Variants in DSCAM observed in about 807,000 individuals in gnomAD.
DSCAM encodes DS cell adhesion molecule.
DSCAM carries 47 observed loss-of-function variants against 217.7 expected under a neutral mutation model. That is an observed-to-expected ratio of 0.22 (90% CI 0.17 to 0.28). DSCAM has a LOEUF of 0.28. DSCAM is among the 10% of genes least tolerant of loss of function. The pLI is 1.00. For synonymous variants in DSCAM, 1,056 were observed against 1,015.3 expected, an observed-to-expected ratio of 1.04 and a Z score of -0.76; for missense variants, 2,080 against 2,618.3, an observed-to-expected ratio of 0.79 and a Z score of 4.49.
At chr21:40,132,528 G>T (rs949262741) in intron 19 of DSCAM, among the ~76,000 whole-genome samples, 1 of 152,322 alleles carries the variant, frequency 6.6e-6, no homozygotes, top group Admixed American at 6.5e-5. Flanking sequence ...GCTGACACCT[G>T]CACATTCCCT....
chr21:40,590,517 T>C (rs2076976533), intron 3 of DSCAM, among the ~76,000 whole-genome samples: 1 of 152,238 alleles, frequency 6.6e-6, no homozygotes, highest in Non-Finnish European at 1.5e-5. Flanking sequence ...TCTGACTTAA[T>C]GGTGTCACTG....
intron 3 of DSCAM, among the ~76,000 whole-genome samples, chr21:40,576,280 G>A (rs1181236996): frequency 5.9e-5 from 9 of 152,178 alleles, no homozygotes; most frequent in Non-Finnish European, 1.3e-4. Flanking sequence ...AATTTCAGAA[G>A]TATTATAATT....
At chr21:40,665,018 C>T (rs2090184650) in intron 3 of DSCAM, among the ~76,000 whole-genome samples, 1 of 152,180 alleles carries the variant, frequency 6.6e-6, no homozygotes, top group South Asian at 2.1e-4. Context: ...GGTGTGCGTG[C>T]TCCTGCTTCA....
chr21:40,671,514 G>A (rs1334813751), intron 3 of DSCAM, among the ~76,000 whole-genome samples: 3 of 151,390 alleles, frequency 2.0e-5, no homozygotes, highest in Non-Finnish European at 4.4e-5. Flanking sequence ...CCCCCGCACC[G>A]TCTCTATTAA....
Position 40,476,882 on chromosome 21 carries a change from G to A in DSCAM, c.509-107637C>T, listed in dbSNP as rs144275324. ...AAAAAAACTTGAGGGAAAATTCAGA[G>A]AGAGTAGGAAAAACGTTTACTTTCT... On this transcript the variant is annotated intron_variant, in intron 3 of 32. Coordinates refer to ENST00000400454, the MANE Select transcript of DSCAM (RefSeq NM_001389.5). Among the ~76,000 whole-genome samples, 18 of 152,274 alleles carry A rather than the reference G, an allele frequency of 1.2e-4. No individual in the cohort carries two copies. In the East Asian group the frequency reaches 3.5e-3, roughly 29 times the overall value.
At chr21:40,291,316 C>G (rs924979796) in intron 10 of DSCAM, among the ~76,000 whole-genome samples, 2 of 152,248 alleles carry the variant, frequency 1.3e-5, no homozygotes, top group African/African-American at 4.8e-5. Flanking sequence ...CCTTTTAAAG[C>G]ATGAGGCAGA....
At chr21:40,656,823 G>C (rs2090082060) in intron 3 of DSCAM, among the ~76,000 whole-genome samples, 1 of 152,226 alleles carries the variant, frequency 6.6e-6, no homozygotes, top group Non-Finnish European at 1.5e-5. Flanking sequence ...CTCAGTTTAA[G>C]TAAGAGCATG....
At chr21:40,668,140 C>G (rs2090225689) in intron 3 of DSCAM, among the ~76,000 whole-genome samples, 2 of 152,194 alleles carry the variant, frequency 1.3e-5, no homozygotes, top group African/African-American at 2.4e-5. Context: ...ACTAGCCATC[C>G]TCTACAGTGT....
intron 18 of DSCAM, among the ~76,000 whole-genome samples, chr21:40,139,899 G>T (rs2090268196): frequency 6.7e-6 from 1 of 150,006 alleles, no homozygotes; most frequent in Non-Finnish European, 1.5e-5. Flanking sequence ...GGTGTGTGAG[G>T]TGTGGTGTGT....
intron 1 of DSCAM, among the ~76,000 whole-genome samples, chr21:40,807,931 T>C (rs1389632090): frequency 6.6e-6 from 1 of 152,216 alleles, no homozygotes; most frequent in Non-Finnish European, 1.5e-5. Context: ...GTGTGGCTTT[T>C]GTTGTCTATA....
At chr21:40,035,232 G>A (rs1319631388) in intron 32 of DSCAM, among the ~76,000 whole-genome samples, 1 of 115,580 alleles carries the variant, frequency 8.7e-6, no homozygotes, top group Non-Finnish European at 1.8e-5. Context: ...ATTGGATAAA[G>A]AGTCAAGACC....
At position 40,475,851 on chromosome 21, in the gene DSCAM, A is replaced by T. The variant is rs539803144; in HGVS notation, c.509-106606T>A. Among the ~76,000 whole-genome samples, 3 of 151,560 alleles carry T rather than the reference A, an allele frequency of 2.0e-5. No homozygotes were observed. In the South Asian group the frequency reaches 6.2e-4, roughly 31 times the overall value. On this transcript the variant is annotated intron_variant, in intron 3 of 32. Coordinates refer to ENST00000400454, the MANE Select transcript of DSCAM (RefSeq NM_001389.5). Reference sequence around the variant, plus strand: ...GTCTTAAATAAATAAATTAATAAATAAAATTTAAAAAAAAACACATCAGCC... The same window carrying T: ...GTCTTAAATAAATAAATTAATAAATTAAATTTAAAAAAAAACACATCAGCC...
chr21:40,376,551 TCG>T (rs1306483449), intron 3 of DSCAM, among the ~76,000 whole-genome samples: 1 of 111,928 alleles, frequency 8.9e-6, no homozygotes, highest in African/African-American at 3.3e-5. Context: ...ATATCTTATA[TCG>T]ATATCTATAT....
chr21:40,047,249 G>A (rs765757994), intron 30 of DSCAM, among the ~76,000 whole-genome samples: 2 of 152,112 alleles, frequency 1.3e-5, no homozygotes, highest in Non-Finnish European at 2.9e-5. Flanking sequence ...TCTGCTGTAT[G>A]ATAATGACTA....
chr21:40,302,980 T>C (rs2074032929), intron 9 of DSCAM, among the ~76,000 whole-genome samples: 1 of 152,212 alleles, frequency 6.6e-6, no homozygotes, highest in Admixed American at 6.5e-5. Flanking sequence ...AGCCATGGCT[T>C]CTAAGTTGCT....
intron 3 of DSCAM, among the ~76,000 whole-genome samples, chr21:40,600,156 G>T (rs1433176871): frequency 6.6e-6 from 1 of 152,218 alleles, no homozygotes; most frequent in Non-Finnish European, 1.5e-5. Context: ...ACAATAAAAA[G>T]AGCAGAAGTT....
intron 11 of DSCAM, among the ~76,000 whole-genome samples, chr21:40,257,497 C>CACACACACACACACACACACACAA (rs975639777): frequency 2.3e-4 from 35 of 151,710 alleles, no homozygotes; most frequent in African/African-American, 8.2e-4. Flanking sequence ...CACACACACA[C>CACACACACACACACACACACACAA]AATGGCAAAC....
At chr21:40,204,221 A>T (rs2091100180) in intron 11 of DSCAM, among the ~76,000 whole-genome samples, 1 of 152,220 alleles carries the variant, frequency 6.6e-6, no homozygotes, top group Admixed American at 6.5e-5. Flanking sequence ...ACATGTACCC[A>T]TGAATGTGCC....
At chr21:40,535,664 G>T (rs964549277) in intron 3 of DSCAM, among the ~76,000 whole-genome samples, 1 of 152,194 alleles carries the variant, frequency 6.6e-6, no homozygotes, top group Admixed American at 6.5e-5. Context: ...AGACAGGATG[G>T]ATAAGAGCCA....
Sources: allele counts gnomAD v4.1 joint callset (sites outside exome capture counted in the v4.1 genomes callset), GRCh38; gene constraint gnomAD v4.1.1; transcripts MANE v1.5; gene names NCBI Gene and HGNC (gene_info 2026-07-23, HGNC 2026-07-21).